P3H2: variants seen among roughly 807,000 people sequenced by gnomAD.
P3H2 encodes prolyl 3-hydroxylase 2.
Under a neutral mutation model 87.0 loss-of-function variants are expected in P3H2, and 80 were observed. The ratio of observed to expected loss-of-function variants is 0.92; its 90% confidence interval spans 0.77 to 1.11. The LOEUF is 1.11. P3H2 is among the 50% of genes least tolerant of loss of function. The pLI, the probability that P3H2 is intolerant of heterozygous loss-of-function variation, is 0.00. For synonymous variants in P3H2, 367 were observed against 359.3 expected, an observed-to-expected ratio of 1.02 and a Z score of -0.24; for missense variants, 1,001 against 923.9, an observed-to-expected ratio of 1.08 and a Z score of -1.08.
At chr3:189,974,440 C>T (rs1723282178) in intron 9 of P3H2, 118 bp downstream of exon 9, 7 of 1,342,016 alleles carry the variant, frequency 5.2e-6, no homozygotes, top group South Asian at 4.9e-5. Flanking sequence ...TGTCTTTCTC[C>T]TCAAGAAAGC....
chr3:190,114,996 T>C (rs541588700), intron 1 of P3H2, among the ~76,000 whole-genome samples: 96 of 152,178 alleles, frequency 6.3e-4, no homozygotes, highest in Non-Finnish European at 1.2e-3. Context: ...TAGAAAGAGA[T>C]AGCAGTTGAT....
At chr3:190,045,289 T>C (rs902592337) in intron 1 of P3H2, among the ~76,000 whole-genome samples, 12 of 152,228 alleles carry the variant, frequency 7.9e-5, no homozygotes, top group African/African-American at 2.4e-4. Context: ...AGAAAATTAA[T>C]GCAATTGTGT....
In P3H2 at chr3:190,022,164, TTA is replaced by T. The variant is rs1279382746; in HGVS notation, c.481-26724_481-26723del. 2.2e-5 allele frequency among the ~76,000 whole-genome samples: 3 copies of T among 135,556 alleles called. 1 individual carries two copies. Among genetic ancestry groups the T allele is most frequent in the African/African-American group, 7.6e-5 (3 of 39,244 alleles). The allele number at this position is 135,556 out of a possible 152,430, so 88.9% of individuals were successfully genotyped here. A position where few individuals can be genotyped will look rare whatever the true frequency, so the allele number is the denominator to read the frequency against. On this transcript the variant is annotated intron_variant, in intron 1 of 14. Transcript: ENST00000319332. ...AAATTTTACCATTGATTTATTTTTC[TTA>T]TAGTAAACATTAAAGAGCATCTCAC...
At chr3:190,052,564 G>C (rs1176269472) in intron 1 of P3H2, among the ~76,000 whole-genome samples, 2 of 151,820 alleles carry the variant, frequency 1.3e-5, no homozygotes, top group Non-Finnish European at 2.9e-5. Context: ...CATGAAGTAA[G>C]TAATATTATA....
Position 190,019,813 on chromosome 3 carries a change from T to C in P3H2, c.481-24371A>G, listed in dbSNP as rs1325283528. On this transcript the variant is annotated intron_variant, in intron 1 of 14. Transcript: ENST00000319332. ...ATATATATATATATATATATATATA[T>C]ATACTCACAAACCCACAATTGATGC... 1.6e-5 allele frequency among the ~76,000 whole-genome samples: 2 copies of C among 122,568 alleles called. 1 individual carries two copies. The highest frequency in any genetic ancestry group is 3.5e-5 in the Non-Finnish European group (2 of 56,844). The allele number at this position is 122,568 out of a possible 152,430, so 80.4% of individuals were successfully genotyped here.
chr3:190,115,126 G>T (rs1382587341), intron 1 of P3H2, among the ~76,000 whole-genome samples: 2 of 152,136 alleles, frequency 1.3e-5, no homozygotes, highest in East Asian at 1.9e-4. Flanking sequence ...GACCAAAATA[G>T]AATTGTCTAA....
chr3:190,071,715 G>T (rs941043497), intron 1 of P3H2, among the ~76,000 whole-genome samples: 1 of 152,010 alleles, frequency 6.6e-6, no homozygotes, highest in Non-Finnish European at 1.5e-5. Flanking sequence ...TGATGAAAAA[G>T]AACATTTCTT....
At chr3:190,075,715 T>C (rs1726850151) in intron 1 of P3H2, among the ~76,000 whole-genome samples, 1 of 151,278 alleles carries the variant, frequency 6.6e-6, no homozygotes, top group East Asian at 2.0e-4. Context: ...AAGAGAGAAG[T>C]GGAAGAGACA....
intron 1 of P3H2, among the ~76,000 whole-genome samples, chr3:190,103,901 C>T (rs1344562393): frequency 1.3e-5 from 2 of 152,020 alleles, no homozygotes; most frequent in African/African-American, 2.4e-5. Context: ...AACCGATTCT[C>T]GTGCCTCAGC....
At chr3:190,043,209 T>C (rs1725697700) in intron 1 of P3H2, among the ~76,000 whole-genome samples, 1 of 152,220 alleles carries the variant, frequency 6.6e-6, no homozygotes, top group African/African-American at 2.4e-5. Flanking sequence ...ATCATATTCC[T>C]AATTATAGTA....
At chr3:189,989,308 T>C (rs1331325864) in intron 3 of P3H2, among the ~76,000 whole-genome samples, 1 of 152,178 alleles carries the variant, frequency 6.6e-6, no homozygotes, top group African/African-American at 2.4e-5. Context: ...CCTTCCCATG[T>C]ACACTTTTTA....
rs774186462 is a variant in P3H2 at position 189,988,976 on chromosome 3, C to T, written c.886G>A (p.Gly296Ser). Residue 296 changes from glycine (G) to serine (S), a missense_variant, in exon 4 of 15, where the codon GGC (glycine) becomes AGC (serine). Transcript: ENST00000319332. The part of the protein sequence containing the change: ...ECVRELATRP[G>S]RLSPIENFLP... ...AAATTCTCGATGGGAGAGAGGCGGC[C>T]AGGGCGGGTGGCAAGTTCCCTCACA... is the stretch of plus-strand genomic sequence containing the variant. 1.2e-6 allele frequency: 2 copies of T among 1,613,894 alleles called. No individual in the cohort carries two copies. The highest frequency in any genetic ancestry group is 3.3e-5 in the Admixed American group (2 of 59,984).
chr3:190,030,785 C>A (rs1725227844), intron 1 of P3H2, among the ~76,000 whole-genome samples: 1 of 151,730 alleles, frequency 6.6e-6, no homozygotes, highest in Non-Finnish European at 1.5e-5. Flanking sequence ...CAAATTAGCC[C>A]CCAAAGAGAT....
At chr3:190,083,111 T>C (rs1375272840) in intron 1 of P3H2, among the ~76,000 whole-genome samples, 1 of 152,224 alleles carries the variant, frequency 6.6e-6, no homozygotes, top group South Asian at 2.1e-4. Context: ...CTTTCTCTTA[T>C]GATAAAATTA....
At chr3:190,087,258 C>T (rs564005988) in intron 1 of P3H2, among the ~76,000 whole-genome samples, 7 of 152,052 alleles carry the variant, frequency 4.6e-5, no homozygotes, top group African/African-American at 1.7e-4. Flanking sequence ...ATCAAGAGGC[C>T]GGGTGCGGTG....
At chr3:189,985,750 T>C (rs1316289415) in intron 6 of P3H2, among the ~76,000 whole-genome samples, 2 of 151,836 alleles carry the variant, frequency 1.3e-5, no homozygotes, top group East Asian at 1.9e-4. Context: ...CATAATTCAA[T>C]AGAGAAAAAA....
chr3:190,050,355 ATT>A (rs2108960406), intron 1 of P3H2, among the ~76,000 whole-genome samples: 1 of 152,312 alleles, frequency 6.6e-6, no homozygotes, highest in African/African-American at 2.4e-5. Flanking sequence ...AAACTCTTCC[ATT>A]TTGCAGGAAG....
At chr3:190,006,925 T>C in intron 1 of P3H2, among the ~76,000 whole-genome samples, 1 of 152,250 alleles carries the variant, frequency 6.6e-6, no homozygotes, top group East Asian at 1.9e-4. Context: ...TGAGTTGTTT[T>C]GCTTTTTATT....
At chr3:189,973,047 G>A (rs748566669) in intron 10 of P3H2, 23 bp from the exon 11 acceptor site, 5 of 1,607,660 alleles carry the variant, frequency 3.1e-6, no homozygotes, top group Non-Finnish European at 4.2e-6. Flanking sequence ...AACAAAACAT[G>A]AGAAACAAAT....
Sources: gnomAD v4.1 joint callset for allele counts (sites outside exome capture counted in the v4.1 genomes callset) on GRCh38, gnomAD v4.1.1 for gene constraint, MANE v1.5 for transcripts, NCBI Gene and HGNC (gene_info 2026-07-23, HGNC 2026-07-21) for gene names.